Variants in ULK4 observed in about 807,000 individuals in gnomAD.
ULK4 encodes inactive serine/threonine-protein kinase ULK4.
Under a neutral mutation model 160.6 loss-of-function variants are expected in ULK4, and 133 were observed. The observed-to-expected ratio is 0.83, with a 90% CI of 0.72 to 0.96. The LOEUF (loss-of-function observed/expected upper bound fraction) is 0.96, where lower values mean the gene tolerates loss of function less well. ULK4 is among the 40% of genes least tolerant of loss of function. The pLI, the probability that ULK4 is intolerant of heterozygous loss-of-function variation, is 0.00. For synonymous variants in ULK4, 534 were observed against 539.8 expected, an observed-to-expected ratio of 0.99 and a Z score of 0.15; for missense variants, 1,580 against 1,499.5, an observed-to-expected ratio of 1.05 and a Z score of -0.89.
chr3:41,661,454 TACACAC>T (rs1156720658), intron 30 of ULK4, among the ~76,000 whole-genome samples: 1 of 143,456 alleles, frequency 7.0e-6, no homozygotes, highest in East Asian at 1.9e-4. Context: ...CTCGTATACA[TACACAC>T]ATATATATAC....
chr3:41,811,897 C>T (rs2040828723), intron 19 of ULK4, among the ~76,000 whole-genome samples: 1 of 152,160 alleles, frequency 6.6e-6, no homozygotes, highest in African/African-American at 2.4e-5. Flanking sequence ...AAGTAATTTT[C>T]AGTAGCTTTC....
chr3:41,309,715 G>C (rs17055397), intron 35 of ULK4, among the ~76,000 whole-genome samples: 12,176 of 152,056 alleles, frequency 0.08, 1,228 homozygotes, highest in African/African-American at 0.23. Context: ...CCAAAAGTCG[G>C]TTAAAATACT....
At chr3:41,442,773 T>A (rs1310507134) in intron 34 of ULK4, among the ~76,000 whole-genome samples, 3 of 152,166 alleles carry the variant, frequency 2.0e-5, no homozygotes, top group African/African-American at 7.2e-5. Flanking sequence ...TTGTTGATTA[T>A]AAATGTGTAC....
At position 41,556,783 on chromosome 3, in the gene ULK4, G is replaced by A. The variant is rs182778970; in HGVS notation, c.3226+9242C>T. ...ATTACAGGCATGACCCACTGTGCCC[G>A]GCCCAAACTTTTAAGGAGTAGATAA... On this transcript the variant is annotated intron_variant, in intron 32 of 36. Coordinates refer to ENST00000301831, the MANE Select transcript of ULK4 (RefSeq NM_017886.4). Among the ~76,000 whole-genome samples the A allele has an allele frequency of 5.3e-5, 8 of 151,958 alleles. No homozygotes were observed. The South Asian group carries it at 1.0e-3, about 20-fold the overall frequency.
chr3:41,344,878 A>G (rs1033388920), intron 35 of ULK4, among the ~76,000 whole-genome samples: 8 of 151,936 alleles, frequency 5.3e-5, no homozygotes, highest in African/African-American at 1.9e-4. Context: ...AAATTTTTCA[A>G]TGTATCCATC....
chr3:41,950,506 G>T (rs529675269), intron 2 of ULK4, among the ~76,000 whole-genome samples: 1 of 152,122 alleles, frequency 6.6e-6, no homozygotes, highest in Non-Finnish European at 1.5e-5. Flanking sequence ...GCCTCCAAAA[G>T]TACTGGGATT....
Position 41,867,171 on chromosome 3 carries a change from T to C in ULK4, c.1656+16703A>G, listed in dbSNP as rs537803965. ...ACTTTTATTATTTCCTTTATTTGAA[T>C]TGCATTGGGTTTAATTTACTCTCCT... On this transcript the variant is annotated intron_variant, in intron 17 of 36. Transcript: ENST00000301831. Among the ~76,000 whole-genome samples the C allele has an allele frequency of 4.6e-5, 7 of 152,334 alleles. No individual in the cohort carries two copies. In the East Asian group the frequency reaches 1.3e-3, roughly 29 times the overall value.
At chr3:41,372,288 C>T (rs1052702213) in intron 35 of ULK4, among the ~76,000 whole-genome samples, 4 of 152,008 alleles carry the variant, frequency 2.6e-5, no homozygotes, top group South Asian at 2.1e-4. Context: ...TCAGGAAATA[C>T]GGAGAACACC....
chr3:41,549,016 A>T (rs1420240409), intron 32 of ULK4, among the ~76,000 whole-genome samples: 1 of 152,186 alleles, frequency 6.6e-6, no homozygotes, highest in Non-Finnish European at 1.5e-5. Context: ...CTACTCAACC[A>T]ACACTACAGA....
intron 30 of ULK4, among the ~76,000 whole-genome samples, chr3:41,642,337 T>C (rs920934503): frequency 6.6e-5 from 10 of 152,058 alleles, no homozygotes; most frequent in South Asian, 2.1e-4. Flanking sequence ...TATCCCTCCC[T>C]ACTCCCCCCA....
intron 35 of ULK4, among the ~76,000 whole-genome samples, chr3:41,279,541 T>C (rs1205900347): frequency 6.9e-6 from 1 of 145,796 alleles, no homozygotes; most frequent in Non-Finnish European, 1.5e-5. Context: ...AAGGAAAAAA[T>C]GTTAAGGACA....
At chr3:41,587,358 T>C (rs1215652092) in intron 31 of ULK4, among the ~76,000 whole-genome samples, 2 of 152,176 alleles carry the variant, frequency 1.3e-5, no homozygotes, top group Non-Finnish European at 2.9e-5. Context: ...TAGGCCCACC[T>C]GCATAATCTC....
At chr3:41,303,630 G>A (rs1000722188) in intron 35 of ULK4, among the ~76,000 whole-genome samples, 1 of 152,178 alleles carries the variant, frequency 6.6e-6, no homozygotes, top group African/African-American at 2.4e-5. Context: ...GAAATAAGGG[G>A]TTTCCTGTGC....
chr3:41,712,343 C>G (rs2037129367), intron 25 of ULK4, among the ~76,000 whole-genome samples: 1 of 152,188 alleles, frequency 6.6e-6, no homozygotes, highest in Non-Finnish European at 1.5e-5. Flanking sequence ...CTAACCCTGG[C>G]TGCTATCTCC....
chr3:41,773,307 T>A (rs1018194671), intron 21 of ULK4, among the ~76,000 whole-genome samples: 2 of 152,190 alleles, frequency 1.3e-5, no homozygotes, highest in African/African-American at 4.8e-5. Flanking sequence ...GACTTGACTG[T>A]ATATCTAGAA....
At chr3:41,671,926 A>G (rs1478390602) in intron 29 of ULK4, among the ~76,000 whole-genome samples, 1 of 152,172 alleles carries the variant, frequency 6.6e-6, no homozygotes, top group Non-Finnish European at 1.5e-5. Flanking sequence ...CAAAGGATAT[A>G]AACATTTCTC....
chr3:41,851,265 T>C (rs2042205931), intron 17 of ULK4, among the ~76,000 whole-genome samples: 1 of 152,180 alleles, frequency 6.6e-6, no homozygotes, highest in African/African-American at 2.4e-5. Context: ...ATACCTAATT[T>C]ATTGAGAGTT....
intron 34 of ULK4, among the ~76,000 whole-genome samples, chr3:41,413,571 T>A (rs1367255339): frequency 6.6e-6 from 1 of 152,226 alleles, no homozygotes; most frequent in Non-Finnish European, 1.5e-5. Context: ...GTACCTTTAA[T>A]GGAGATCCAT....
chr3:41,574,837 C>T (rs954654293), intron 31 of ULK4, among the ~76,000 whole-genome samples: 3 of 152,116 alleles, frequency 2.0e-5, no homozygotes, highest in East Asian at 1.9e-4. Flanking sequence ...TGAGCCACTG[C>T]GCCAGGCCCC....
Sources: allele counts gnomAD v4.1 joint callset (sites outside exome capture counted in the v4.1 genomes callset), GRCh38; gene constraint gnomAD v4.1.1; transcripts MANE v1.5; gene names NCBI Gene and HGNC (gene_info 2026-07-23, HGNC 2026-07-21).